DPP4: variants seen among roughly 807,000 people sequenced by gnomAD.
DPP4 encodes ADCP-2.
DPP4 carries 93 observed loss-of-function variants against 122.4 expected under a neutral mutation model. That is an observed-to-expected ratio of 0.76 (90% CI 0.64 to 0.90). DPP4 has a LOEUF of 0.90. DPP4 is among the 40% of genes least tolerant of loss of function. DPP4 has a pLI of 0.00. For synonymous variants in DPP4, 321 were observed against 302.9 expected (o/e 1.06, Z -0.62); for missense variants, 914 against 907.3 (o/e 1.01, Z -0.09).
At chr2:162,010,360 T>C (rs1682646855) in intron 20 of DPP4, among the ~76,000 whole-genome samples, 1 of 152,218 alleles carries the variant, frequency 6.6e-6, no homozygotes, top group South Asian at 2.1e-4. Context: ...TCCATAAAAA[T>C]TTCACTGAAC....
At chr2:162,014,922 T>TA (rs1682855149) in intron 18 of DPP4, among the ~76,000 whole-genome samples, 1 of 152,264 alleles carries the variant, frequency 6.6e-6, no homozygotes, top group South Asian at 2.1e-4. Flanking sequence ...AACATTTTTG[T>TA]AATTCTTATT....
intron 20 of DPP4, among the ~76,000 whole-genome samples, chr2:162,011,175 T>C (rs961489152): frequency 1.3e-5 from 2 of 152,166 alleles, no homozygotes; most frequent in African/African-American, 4.8e-5. Context: ...CCATCATTGA[T>C]TGTTAACATC....
intron 2 of DPP4, among the ~76,000 whole-genome samples, chr2:162,061,064 G>T (rs1363597438): frequency 1.4e-5 from 2 of 137,982 alleles, no homozygotes; most frequent in South Asian, 5.0e-4. Flanking sequence ...TTGAAACAGG[G>T]TCTCACTCTG....
intron 2 of DPP4, among the ~76,000 whole-genome samples, chr2:162,055,294 G>A (rs1321082416): frequency 6.6e-6 from 1 of 152,144 alleles, no homozygotes; most frequent in African/African-American, 2.4e-5. Flanking sequence ...GGAAAATATT[G>A]GACCTAATGG....
rs1305768905 is a variant in DPP4 at position 162,024,921 on chromosome 2, A to G, written c.906T>C (p.Asp302=). The G allele has an allele frequency of 6.2e-7, 1 of 1,613,646 alleles. No individual in the cohort carries two copies. Among genetic ancestry groups the G allele is most frequent in the Non-Finnish European group, 8.5e-7 (1 of 1,179,994 alleles). ...SMLIGDHYLC[D]VTWATQERIS... ...TTCTTTCTTGTGTTGCCCATGTCAC[A>G]TCACACAAGTAGTGATCCCTGGAAG... The change falls in exon 11 of 26, where the codon GAT becomes GAC. Residue 302 remains aspartate, a synonymous_variant. Coordinates refer to ENST00000360534, the MANE Select transcript of DPP4 (RefSeq NM_001935.4).
Position 162,035,135 on chromosome 2 carries a change from G to A in DPP4, c.774+29C>T, listed in dbSNP as rs772812246. 2.5e-6 allele frequency: 4 copies of A among 1,584,268 alleles called. No individual in the cohort carries two copies. The African/African-American group carries it at 4.1e-5, about 16-fold the overall frequency. ...AACCATTCTCTTCCCATCAAATCAT[G>A]GAACCACTGTACAAACAGGAGCACA... On this transcript the variant is annotated intron_variant, in intron 9 of 25. Transcript: ENST00000360534.
intron 5 of DPP4, among the ~76,000 whole-genome samples, chr2:162,045,029 G>A (rs1463236098): frequency 6.6e-6 from 1 of 150,932 alleles, no homozygotes; most frequent in East Asian, 1.9e-4. Flanking sequence ...CACAGTATAG[G>A]TAACTGTAGC....
intron 18 of DPP4, among the ~76,000 whole-genome samples, chr2:162,016,391 G>A (rs1380697778): frequency 6.6e-6 from 1 of 152,092 alleles, no homozygotes; most frequent in Non-Finnish European, 1.5e-5. Context: ...AACACGAATT[G>A]TTTTATACAA....
intron 10 of DPP4, among the ~76,000 whole-genome samples, chr2:162,028,510 C>A (rs1030911347): frequency 6.6e-6 from 1 of 152,292 alleles, no homozygotes; most frequent in East Asian, 1.9e-4. Flanking sequence ...CAGGCCAATA[C>A]TGAGTAGCTT....
At chr2:162,040,309 T>C (rs1019749435) in intron 5 of DPP4, among the ~76,000 whole-genome samples, 1 of 152,136 alleles carries the variant, frequency 6.6e-6, no homozygotes, top group African/African-American at 2.4e-5. Flanking sequence ...GCAACTAAGA[T>C]GTCATTCAAC....
chr2:162,012,089 C>T, intron 19 of DPP4, 102 bp from the exon 20 acceptor site: 1 of 1,214,278 alleles, frequency 8.2e-7, no homozygotes, highest in East Asian at 2.5e-5. Flanking sequence ...CCTTCCCAAT[C>T]ATGAGCCTTA....
chr2:162,065,705 T>C (rs1039754032), intron 2 of DPP4, among the ~76,000 whole-genome samples: 10 of 152,146 alleles, frequency 6.6e-5, no homozygotes, highest in Non-Finnish European at 1.0e-4. Context: ...TTAAGACCCA[T>C]TAATTATTAA....
At chr2:162,036,774 A>G (rs897094443) in intron 8 of DPP4, among the ~76,000 whole-genome samples, 14 of 152,202 alleles carry the variant, frequency 9.2e-5, no homozygotes, top group Admixed American at 8.5e-4. Flanking sequence ...AGCTCATTGC[A>G]CAAAGAAGGA....
At chr2:162,001,458 T>C (rs545159544) in intron 23 of DPP4, among the ~76,000 whole-genome samples, 24 of 152,342 alleles carry the variant, frequency 1.6e-4, no homozygotes, top group African/African-American at 4.8e-4. Flanking sequence ...TTCACACATA[T>C]TGGATACTTT....
intron 11 of DPP4, among the ~76,000 whole-genome samples, chr2:162,023,866 T>C (rs1033973344): frequency 3.9e-5 from 6 of 152,226 alleles, no homozygotes; most frequent in Admixed American, 3.9e-4. Flanking sequence ...GCAGCTTTTA[T>C]TATTTACTTT....
chr2:161,994,927 A>C, intron 25 of DPP4, 34 bp downstream of exon 25: 1 of 1,595,020 alleles, frequency 6.3e-7, no homozygotes, highest in Non-Finnish European at 8.6e-7. Context: ...CCCCACCAGC[A>C]ACTTCCCTCC....
At chr2:162,029,365 C>T (rs1023583283) in intron 10 of DPP4, among the ~76,000 whole-genome samples, 1 of 152,202 alleles carries the variant, frequency 6.6e-6, no homozygotes, top group Non-Finnish European at 1.5e-5. Flanking sequence ...AGTGAATCAC[C>T]CGAGGAAGCG....
intron 25 of DPP4, 151 bp from the exon 26 acceptor site, chr2:161,993,535 C>T (rs1700917547): frequency 1.7e-6 from 1 of 577,256 alleles, no homozygotes; most frequent in Non-Finnish European, 3.0e-6. Context: ...GAAACGGGGT[C>T]AAAGAGGGGG....
intron 22 of DPP4, among the ~76,000 whole-genome samples, chr2:162,007,236 T>C (rs992528390): frequency 1.3e-5 from 2 of 152,086 alleles, no homozygotes; most frequent in African/African-American, 4.8e-5. Context: ...AATATTAATA[T>C]CTTAGGTTGT....
Sources: allele counts gnomAD v4.1 joint callset (sites outside exome capture counted in the v4.1 genomes callset), GRCh38; gene constraint gnomAD v4.1.1; transcripts MANE v1.5; gene names NCBI Gene and HGNC (gene_info 2026-07-23, HGNC 2026-07-21).